WDFY4: variants seen among roughly 807,000 people sequenced by gnomAD.
WDFY4 encodes WD repeat- and FYVE domain-containing protein 4.
In WDFY4, 169 loss-of-function variants were observed where a neutral mutation model predicts 351.9. The ratio of observed to expected loss-of-function variants is 0.48; its 90% CI spans 0.42 to 0.55. The LOEUF is 0.55. WDFY4 is among the 20% of genes least tolerant of loss of function. The probability of loss-of-function intolerance (pLI) is 0.00; values close to 1 mark genes in which losing one functional copy is unlikely to be tolerated. For synonymous variants in WDFY4, 1,622 were observed against 1,574.6 expected (o/e 1.03, Z -0.71); for missense variants, 3,803 against 3,935.6 (o/e 0.97, Z 0.90).
intron 43 of WDFY4, among the ~76,000 whole-genome samples, chr10:48,885,806 A>C (rs1450048187): frequency 6.6e-6 from 1 of 152,108 alleles, no homozygotes. Flanking sequence ...TTTAACATAC[A>C]TTCCTTTGAT....
chr10:48,740,195 C>T (rs959283980), intron 11 of WDFY4, among the ~76,000 whole-genome samples: 4 of 152,138 alleles, frequency 2.6e-5, no homozygotes, highest in East Asian at 1.9e-4. Flanking sequence ...TCCTTTGTGA[C>T]GGATTGACTT....
In WDFY4 at chr10:48,854,334, C is replaced by T. The variant is rs141586263; in HGVS notation, c.6664-12931C>T. Among the ~76,000 whole-genome samples, 529 of 152,200 alleles carry T rather than the reference C, an allele frequency of 3.5e-3. 4 individuals carry two copies. Among genetic ancestry groups the T allele is most frequent in the African/African-American group, 0.012 (491 of 41,530 alleles). On this transcript the variant is annotated intron_variant, in intron 39 of 61. Coordinates refer to ENST00000325239, the MANE Select transcript of WDFY4 (RefSeq NM_001394531.1). ...TTGTTGCCCAGGCTGGTCTCAAACT[C>T]GTGAGCTCCAGCGATCCGCCCACCT...
chr10:48,966,579 A>T lies in WDFY4; in HGVS notation c.8490A>T (p.Gly2830=). ...ARTAAGKPLP[G]KDVSTPVSLP... is the part of the protein sequence containing the mutation. ...CTGCAGCAGGGAAGCCTCTGCCTGGAAAGGATGTCTCCACCCCCGTGAGCC... is the reference window on the plus strand; with the variant it reads ...CTGCAGCAGGGAAGCCTCTGCCTGGTAAGGATGTCTCCACCCCCGTGAGCC... The change falls in exon 55 of 62, where the codon GGA becomes GGT. Residue 2830 remains glycine, a synonymous_variant. Coordinates refer to ENST00000325239, the MANE Select transcript of WDFY4 (RefSeq NM_001394531.1). 1 of 1,552,136 alleles carries T rather than the reference A, an allele frequency of 6.4e-7. No individual in the cohort carries two copies. The highest frequency in any genetic ancestry group is 8.7e-7 in the Non-Finnish European group (1 of 1,147,076).
chr10:48,982,669 C>T lies in WDFY4; in HGVS notation c.*94C>T. ...TGAGCTCTGCCTACAGAAGAAACCC[C>T]CAGGGCCTCCTTCCCCACAGTTCTC... On this transcript the variant is annotated 3_prime_UTR_variant, in exon 62 of 62. Coordinates refer to ENST00000325239, the MANE Select transcript of WDFY4 (RefSeq NM_001394531.1). 1 of 1,277,780 alleles carries T rather than the reference C, an allele frequency of 7.8e-7. No individual in the cohort carries two copies. The highest frequency in any genetic ancestry group is 1.1e-6 in the Non-Finnish European group (1 of 908,806). The allele number at this position is 1,277,780 out of a possible 1,614,324, so 79.2% of individuals were successfully genotyped here.
chr10:48,722,728 G>A (rs72787300), intron 4 of WDFY4, among the ~76,000 whole-genome samples: 3,537 of 152,264 alleles, frequency 0.023, 68 homozygotes, highest in Non-Finnish European at 0.033. Flanking sequence ...GCGCACACAC[G>A]CACACACAGA....
intron 41 of WDFY4, among the ~76,000 whole-genome samples, chr10:48,874,262 A>G (rs7068756): frequency 0.046 from 7,006 of 152,352 alleles, 233 homozygotes; most frequent in Middle Eastern, 0.1. Flanking sequence ...GCTCTAATGA[A>G]GCTTGAACTG....
At chr10:48,685,387 G>A (rs894866319) in intron 1 of WDFY4, among the ~76,000 whole-genome samples, 14 of 152,224 alleles carry the variant, frequency 9.2e-5, no homozygotes, top group Admixed American at 3.3e-4. Flanking sequence ...TCGAGGGGGC[G>A]GAGAGAGCAG....
rs142422888 is a variant in WDFY4, at chr10:48,723,831, G to A, written c.591+264G>A. Among the ~76,000 whole-genome samples, 235 of 152,204 alleles carry A rather than the reference G, an allele frequency of 1.5e-3. 1 individual carries two copies. The highest frequency in any genetic ancestry group is 5.3e-3 in the African/African-American group (222 of 41,512). ...CACATGGGTCACCTCCAGGATTGCT[G>A]TCTGCCATCACAGGATGTAAATAGT... On this transcript the variant is annotated intron_variant, in intron 5 of 61. Transcript: ENST00000325239.
chr10:48,924,927 C>T (rs1338146937), intron 47 of WDFY4, among the ~76,000 whole-genome samples: 1 of 152,320 alleles, frequency 6.6e-6, no homozygotes, highest in East Asian at 1.9e-4. Flanking sequence ...AGCTTGCTAA[C>T]ACAATCTTAC....
At chr10:48,925,331 G>A (rs1839481411) in intron 47 of WDFY4, among the ~76,000 whole-genome samples, 1 of 152,152 alleles carries the variant, frequency 6.6e-6, no homozygotes, top group Non-Finnish European at 1.5e-5. Flanking sequence ...GTCCATGGGA[G>A]GTGGAGACCT....
chr10:48,753,056 C>T (rs1269290995), intron 12 of WDFY4, among the ~76,000 whole-genome samples: 1 of 152,088 alleles, frequency 6.6e-6, no homozygotes, highest in Non-Finnish European at 1.5e-5. Context: ...AATTTTTTAG[C>T]CATTCTAATG....
chr10:48,928,914 C>T (rs1839811312), intron 47 of WDFY4, among the ~76,000 whole-genome samples: 1 of 152,214 alleles, frequency 6.6e-6, no homozygotes, highest in Non-Finnish European at 1.5e-5. Flanking sequence ...GAATGAGGCA[C>T]TGTTCCAGGC....
At position 48,743,426 on chromosome 10, in the gene WDFY4, C is replaced by T. The variant is rs1046276528; in HGVS notation, c.2337C>T (p.His779=). The T allele has an allele frequency of 2.4e-5, 38 of 1,551,242 alleles. No homozygotes were observed. In the Admixed American group the frequency reaches 4.3e-4, roughly 18 times the overall value. ...ACAGCATGGCCAGCGGCACCCTCCACTTGCGTGGGGACCTGAAGGAGTCCC... is the reference window on the plus strand; with the variant it reads ...ACAGCATGGCCAGCGGCACCCTCCATTTGCGTGGGGACCTGAAGGAGTCCC... The part of the protein sequence containing the change: ...FLDSMASGTL[H]LRGDLKESLR... The change falls in exon 12 of 62, where the codon CAC becomes CAT. Residue 779 remains histidine (H), a synonymous_variant. Transcript: ENST00000325239.
chr10:48,694,109 C>G (rs2132102586), intron 1 of WDFY4, among the ~76,000 whole-genome samples: 1 of 152,298 alleles, frequency 6.6e-6, no homozygotes, highest in South Asian at 2.1e-4. Context: ...TGTGACCAAA[C>G]CAAGCCATCT....
rs1217848620 is a variant in WDFY4, at chr10:48,736,084, C to A, written c.1878+14C>A. 6.4e-7 allele frequency: 1 copy of A among 1,551,686 alleles called. No individual in the cohort carries two copies. Among genetic ancestry groups the A allele is most frequent in the East Asian group, 2.4e-5 (1 of 40,930 alleles). ...GATCTCCTGAAGGTGATTTCAAGTC[C>A]TCCTTTGAGATTGGCTTCCCTGTGG... On this transcript the variant is annotated intron_variant, in intron 11 of 61. Coordinates refer to ENST00000325239, the MANE Select transcript of WDFY4 (RefSeq NM_001394531.1).
chr10:48,969,282 G>A, intron 56 of WDFY4, 34 bp downstream of exon 56: 1 of 1,546,144 alleles, frequency 6.5e-7, no homozygotes, highest in Non-Finnish European at 8.7e-7. Flanking sequence ...GGCAGCCTCA[G>A]GACCTCAGCC....
rs1371996164 is a variant in WDFY4, at chr10:48,982,617, C to T, written c.*42C>T. On this transcript the variant is annotated 3_prime_UTR_variant, in exon 62 of 62. Coordinates refer to ENST00000325239, the MANE Select transcript of WDFY4 (RefSeq NM_001394531.1). The stretch of plus-strand genomic sequence containing the variant: ...GAGGCTCTGGCACAACAGTGCCAGG[C>T]TGAGGGTGGCAGAGGTGACTGGGGC... 5 of 1,534,714 alleles carry T rather than the reference C, an allele frequency of 3.3e-6. No homozygotes were observed. In the Admixed American group the frequency reaches 5.9e-5, roughly 18 times the overall value.
intron 12 of WDFY4, among the ~76,000 whole-genome samples, chr10:48,749,034 A>G (rs2065098978): frequency 6.6e-6 from 1 of 152,218 alleles, no homozygotes; most frequent in Admixed American, 6.5e-5. Flanking sequence ...GAAGGCAGAC[A>G]TAATAATAGT....
At chr10:48,830,485 GA>G in intron 37 of WDFY4, among the ~76,000 whole-genome samples, 1 of 152,308 alleles carries the variant, frequency 6.6e-6, no homozygotes, top group East Asian at 1.9e-4. Flanking sequence ...TGGAGGTGGA[GA>G]AAGGCCAGCT....
Sources: gnomAD v4.1 joint callset for allele counts (sites outside exome capture counted in the v4.1 genomes callset) on GRCh38, gnomAD v4.1.1 for gene constraint, MANE v1.5 for transcripts, NCBI Gene and HGNC (gene_info 2026-07-23, HGNC 2026-07-21) for gene names.